CTNNA2: variants seen among roughly 807,000 people sequenced by gnomAD.
The protein encoded by CTNNA2 is catenin alpha-2.
A neutral mutation model predicts 101.0 loss-of-function variants in CTNNA2; 42 were observed. The observed-to-expected ratio is 0.42, with a 90% confidence interval of 0.32 to 0.54. CTNNA2 has a LOEUF of 0.54. CTNNA2 is among the 20% of genes least tolerant of loss of function. The pLI, the probability that CTNNA2 is intolerant of heterozygous loss-of-function variation, is 0.14. For synonymous variants in CTNNA2, 450 were observed against 456.4 expected, an observed-to-expected ratio of 0.99 and a Z score of 0.18; for missense variants, 871 against 1,223.1, an observed-to-expected ratio of 0.71 and a Z score of 4.29.
intron 3 of CTNNA2, among the ~76,000 whole-genome samples, chr2:79,753,058 T>C (rs2105040638): frequency 6.6e-6 from 1 of 152,202 alleles, no homozygotes; most frequent in East Asian, 1.9e-4. Flanking sequence ...TAATGGACCA[T>C]GGATAGCTGA....
chr2:79,494,219 A>T (rs1038493605), intron 4 of CTNNA2, among the ~76,000 whole-genome samples: 1 of 152,160 alleles, frequency 6.6e-6, no homozygotes, highest in Non-Finnish European at 1.5e-5. Context: ...GGAACAGATA[A>T]CATCCCAAAC....
chr2:79,278,688 G>A (rs542415266), intron 2 of CTNNA2, among the ~76,000 whole-genome samples: 4 of 152,210 alleles, frequency 2.6e-5, no homozygotes, highest in African/African-American at 9.6e-5. Context: ...CTAATGGAGA[G>A]GACTCTCTCT....
intron 7 of CTNNA2, among the ~76,000 whole-genome samples, chr2:79,936,539 A>G (rs540510283): frequency 3.0e-5 from 3 of 99,394 alleles, no homozygotes; most frequent in African/African-American, 1.1e-4. Flanking sequence ...GGAAACTCCA[A>G]GCGTCCTTTT....
chr2:79,496,688 CT>C (rs1399477971), intron 4 of CTNNA2, among the ~76,000 whole-genome samples: 1 of 151,382 alleles, frequency 6.6e-6, no homozygotes, highest in Non-Finnish European at 1.5e-5. Context: ...TTGTCTAGCC[CT>C]ACCGCCTGTG....
At chr2:79,380,262 T>TC (rs1362689122) in intron 4 of CTNNA2, among the ~76,000 whole-genome samples, 2 of 150,258 alleles carry the variant, frequency 1.3e-5, no homozygotes, top group Admixed American at 1.3e-4. Flanking sequence ...TTTTCTTTCT[T>TC]TTTTTTTTTC....
At chr2:79,877,701 T>G (rs1018007343) in intron 6 of CTNNA2, among the ~76,000 whole-genome samples, 2 of 152,242 alleles carry the variant, frequency 1.3e-5, no homozygotes, top group Non-Finnish European at 2.9e-5. Flanking sequence ...CAAAATCTCT[T>G]ACTGATACTT....
chr2:79,548,983 G>T (rs953298487), intron 1 of CTNNA2, among the ~76,000 whole-genome samples: 3 of 152,130 alleles, frequency 2.0e-5, no homozygotes, highest in Non-Finnish European at 2.9e-5. Context: ...CAAATAAAAG[G>T]CTGTTCATTT....
intron 6 of CTNNA2, among the ~76,000 whole-genome samples, chr2:79,879,348 C>A (rs1206324778): frequency 6.6e-6 from 1 of 151,790 alleles, no homozygotes; most frequent in Non-Finnish European, 1.5e-5. Flanking sequence ...TTTTCTAATT[C>A]TGTGAAGAAT....
intron 7 of CTNNA2, among the ~76,000 whole-genome samples, chr2:80,330,218 A>G (rs1177069588): frequency 6.6e-6 from 1 of 152,272 alleles, no homozygotes; most frequent in Non-Finnish European, 1.5e-5. Flanking sequence ...CAAAGGTTTT[A>G]CATATGTTCA....
chr2:80,546,261 T>C (rs1197702879), intron 11 of CTNNA2, among the ~76,000 whole-genome samples, 198 bp downstream of exon 11: 2 of 152,184 alleles, frequency 1.3e-5, no homozygotes, highest in Non-Finnish European at 2.9e-5. Flanking sequence ...AGACACGGAG[T>C]CAAGGCATTA....
intron 2 of CTNNA2, among the ~76,000 whole-genome samples, chr2:79,737,578 G>T (rs1217818771): frequency 6.6e-6 from 1 of 152,116 alleles, no homozygotes; most frequent in Non-Finnish European, 1.5e-5. Flanking sequence ...TGATATAGTT[G>T]GAAAATAATT....
chr2:80,344,545 C>T (rs1018606441), intron 7 of CTNNA2, among the ~76,000 whole-genome samples: 4 of 152,158 alleles, frequency 2.6e-5, no homozygotes, highest in Non-Finnish European at 5.9e-5. Context: ...AGTGCAGTGC[C>T]ATGATCTTGG....
intron 1 of CTNNA2, among the ~76,000 whole-genome samples, chr2:79,536,574 A>ATGTGTGTGTGTGTGTGT (rs71245369): frequency 6.8e-6 from 1 of 146,714 alleles, no homozygotes; most frequent in Non-Finnish European, 1.5e-5. Flanking sequence ...TCTCTAAAGA[A>ATGTGTGTGTGTGTGTGT]GTGTGTGTGT....
intron 2 of CTNNA2, among the ~76,000 whole-genome samples, chr2:79,664,524 A>G (rs1318974781): frequency 1.3e-5 from 2 of 152,140 alleles, no homozygotes; most frequent in African/African-American, 4.8e-5. Context: ...CAGATTTAAC[A>G]AATACAAATT....
chr2:79,645,276 C>T (rs138301073), intron 1 of CTNNA2, among the ~76,000 whole-genome samples: 45 of 152,210 alleles, frequency 3.0e-4, no homozygotes, highest in African/African-American at 9.6e-4. Context: ...CGAGAGCAAT[C>T]GCACCCAGCT....
At chr2:79,547,998 T>C (rs913393756) in intron 1 of CTNNA2, 1 of 152,226 alleles carries the variant, frequency 6.6e-6, no homozygotes, top group Non-Finnish European at 1.5e-5. Context: ...ATGGTGTTTG[T>C]CTTTTTATTT....
chr2:79,223,109 A>C (rs1339937204), intron 2 of CTNNA2, among the ~76,000 whole-genome samples: 1 of 152,144 alleles, frequency 6.6e-6, no homozygotes, highest in Non-Finnish European at 1.5e-5. Context: ...ACAGTGAGCT[A>C]TGTTCGTGCC....
chr2:80,333,500 C>T (rs1317166833), intron 7 of CTNNA2, among the ~76,000 whole-genome samples: 1 of 152,164 alleles, frequency 6.6e-6, no homozygotes, highest in Non-Finnish European at 1.5e-5. Flanking sequence ...GTGACACATT[C>T]GTATAAGAGG....
At chr2:79,960,636 G>A (rs529806224) in intron 7 of CTNNA2, among the ~76,000 whole-genome samples, 1 of 152,174 alleles carries the variant, frequency 6.6e-6, no homozygotes, top group Non-Finnish European at 1.5e-5. Flanking sequence ...AACACTGGAG[G>A]TTATAAAGGT....
Sources: gnomAD v4.1 joint callset for allele counts (sites outside exome capture counted in the v4.1 genomes callset) on GRCh38, gnomAD v4.1.1 for gene constraint, MANE v1.5 for transcripts, NCBI Gene and HGNC (gene_info 2026-07-23, HGNC 2026-07-21) for gene names.